The following DNER variants were observed in gnomAD, a reference collection of about 807,000 sequenced individuals.
The protein encoded by DNER is delta and Notch-like epidermal growth factor-related receptor.
In DNER, 33 loss-of-function variants were observed where a neutral mutation model predicts 78.2. The ratio of observed to expected loss-of-function variants is 0.42; its 90% CI spans 0.32 to 0.56. The LOEUF is 0.56. DNER is among the 20% of genes least tolerant of loss of function. The pLI is 0.11. For synonymous variants in DNER, 417 were observed against 384.8 expected (o/e 1.08, Z -0.98); for missense variants, 918 against 975.3 (o/e 0.94, Z 0.78).
At chr2:229,519,564 G>A (rs1331528918) in intron 5 of DNER, among the ~76,000 whole-genome samples, 1 of 151,990 alleles carries the variant, frequency 6.6e-6, no homozygotes, top group Non-Finnish European at 1.5e-5. Flanking sequence ...TCAAAAAAGA[G>A]GTCAGGAAAA....
intron 4 of DNER, among the ~76,000 whole-genome samples, chr2:229,547,515 C>T (rs1369868050): frequency 1.3e-5 from 2 of 152,204 alleles, no homozygotes; most frequent in African/African-American, 4.8e-5. Flanking sequence ...CCCAAGTCCT[C>T]CTCCTCCTGG....
intron 7 of DNER, among the ~76,000 whole-genome samples, chr2:229,460,156 C>CAAAAAAAAA (rs5839331): frequency 1.2e-5 from 1 of 85,506 alleles, no homozygotes; most frequent in African/African-American, 4.3e-5. Flanking sequence ...GACTCCGTCT[C>CAAAAAAAAA]AAAAAAAAAA....
intron 1 of DNER, among the ~76,000 whole-genome samples, chr2:229,608,644 C>A (rs1697985659): frequency 6.6e-6 from 1 of 152,054 alleles, no homozygotes; most frequent in Non-Finnish European, 1.5e-5. Context: ...ACATTTTATG[C>A]CTATATTGTA....
chr2:229,424,350 T>C (rs1028981723), intron 8 of DNER, among the ~76,000 whole-genome samples: 15 of 152,256 alleles, frequency 9.9e-5, no homozygotes, highest in African/African-American at 3.6e-4. Context: ...CAAAGCCATG[T>C]AGTCAATCCT....
chr2:229,513,170 C>T (rs74696452), intron 5 of DNER, among the ~76,000 whole-genome samples: 3,948 of 152,286 alleles, frequency 0.026, 78 homozygotes, highest in Middle Eastern at 0.048. Flanking sequence ...CCGTCATTTT[C>T]GATCTTCCTA....
Position 229,548,786 on chromosome 2 carries a change from T to A in DNER, c.848-1694A>T, listed in dbSNP as rs149568221. Among the ~76,000 whole-genome samples the A allele has an allele frequency of 8.1e-3, 1,237 of 152,194 alleles. 11 individuals are homozygous for A. The highest frequency in any genetic ancestry group is 0.028 in the African/African-American group (1,182 of 41,524). Reference sequence around the variant, plus strand: ...AAACAAACAAAAAAACCTTTAAAACTTCAAGTGGAAAATATAGGGGGCTAT... The same window carrying A: ...AAACAAACAAAAAAACCTTTAAAACATCAAGTGGAAAATATAGGGGGCTAT... On this transcript the variant is annotated intron_variant, in intron 4 of 12. Transcript: ENST00000341772.
intron 8 of DNER, among the ~76,000 whole-genome samples, chr2:229,437,757 T>C (rs889741709): frequency 2.0e-5 from 3 of 151,706 alleles, no homozygotes; most frequent in African/African-American, 7.3e-5. Flanking sequence ...ACAACAAAAG[T>C]CAAATATGAA....
intron 1 of DNER, among the ~76,000 whole-genome samples, chr2:229,644,416 T>A (rs959523191): frequency 7.1e-6 from 1 of 140,486 alleles, no homozygotes; most frequent in Non-Finnish European, 1.5e-5. Context: ...TGATCTCAGC[T>A]CACTGCAACC....
intron 8 of DNER, among the ~76,000 whole-genome samples, chr2:229,425,578 C>T (rs1693857056): frequency 6.6e-6 from 1 of 152,210 alleles, no homozygotes; most frequent in African/African-American, 2.4e-5. Context: ...TCACCATCTT[C>T]CCTCTCAACA....
In DNER at chr2:229,420,732, T is replaced by TA. The variant is rs1190677183; in HGVS notation, c.1487-2503dup. ...TTCACACCCATTAGGATGGCCATTA[T>TA]AAAAAACAAAACAAAACAAACAAAA... On this transcript the variant is annotated intron_variant, in intron 8 of 12. Transcript: ENST00000341772. Among the ~76,000 whole-genome samples the TA allele has an allele frequency of 2.0e-5, 3 of 152,016 alleles. No homozygotes were observed. The South Asian group carries it at 6.2e-4, about 31-fold the overall frequency.
intron 1 of DNER, among the ~76,000 whole-genome samples, chr2:229,619,916 C>T (rs1698225079): frequency 6.6e-6 from 1 of 152,166 alleles, no homozygotes; most frequent in African/African-American, 2.4e-5. Flanking sequence ...GGTCATTCTC[C>T]ACCTGCACTA....
At chr2:229,470,601 G>A (rs566820401) in intron 7 of DNER, among the ~76,000 whole-genome samples, 13 of 152,240 alleles carry the variant, frequency 8.5e-5, no homozygotes, top group Admixed American at 4.6e-4. Context: ...TGTAATCCCC[G>A]TACTTTGGGA....
rs539277917 is a variant in DNER at position 229,489,658 on chromosome 2, G to A, written c.1148-12405C>T. 2.6e-5 allele frequency among the ~76,000 whole-genome samples: 4 copies of A among 152,192 alleles called. No homozygotes were observed. The South Asian group carries it at 8.3e-4, about 32-fold the overall frequency. On this transcript the variant is annotated intron_variant, in intron 6 of 12. Coordinates refer to ENST00000341772, the MANE Select transcript of DNER (RefSeq NM_139072.4). Reference sequence around the variant, plus strand: ...GGGTCTGGAAGCCATCCACCTTGAGGTGATGGCTCAGAAGGAGCCATTGCT... The same window carrying A: ...GGGTCTGGAAGCCATCCACCTTGAGATGATGGCTCAGAAGGAGCCATTGCT...
At chr2:229,360,902 G>A (rs1692195195) in intron 12 of DNER, among the ~76,000 whole-genome samples, 1 of 152,180 alleles carries the variant, frequency 6.6e-6, no homozygotes, top group Non-Finnish European at 1.5e-5. Flanking sequence ...TTACGAAGGT[G>A]GTTAAAATAA....
At chr2:229,509,279 T>C (rs921515050) in intron 6 of DNER, among the ~76,000 whole-genome samples, 1 of 152,226 alleles carries the variant, frequency 6.6e-6, no homozygotes, top group Non-Finnish European at 1.5e-5. Flanking sequence ...CCAGCTCTGA[T>C]TGAGACTATT....
chr2:229,399,105 A>G (rs974607726), intron 10 of DNER, among the ~76,000 whole-genome samples: 5 of 151,972 alleles, frequency 3.3e-5, no homozygotes, highest in African/African-American at 7.2e-5. Flanking sequence ...CCTATCAGAA[A>G]GGAAGAAATA....
chr2:229,713,846 A>G (rs1194285309), intron 1 of DNER, among the ~76,000 whole-genome samples: 1 of 151,760 alleles, frequency 6.6e-6, no homozygotes, highest in Admixed American at 6.5e-5. Context: ...CCCGGCCTGG[A>G]GGGGCGCGCC....
At chr2:229,516,020 C>T (rs1695964057) in intron 5 of DNER, among the ~76,000 whole-genome samples, 2 of 152,248 alleles carry the variant, frequency 1.3e-5, no homozygotes, top group East Asian at 3.9e-4. Context: ...AAGCAGGAAC[C>T]TTGAAAGAAA....
intron 5 of DNER, among the ~76,000 whole-genome samples, chr2:229,536,256 G>A (rs2154212945): frequency 6.6e-6 from 1 of 152,318 alleles, no homozygotes; most frequent in Admixed American, 6.5e-5. Context: ...TAAGCAGGGA[G>A]GTCAGTGGCT....
Sources: allele counts gnomAD v4.1 joint callset (sites outside exome capture counted in the v4.1 genomes callset), GRCh38; gene constraint gnomAD v4.1.1; transcripts MANE v1.5; gene names NCBI Gene and HGNC (gene_info 2026-07-23, HGNC 2026-07-21).